RELN: variants seen among roughly 807,000 people sequenced by gnomAD.
The protein encoded by RELN is reelin.
A neutral mutation model predicts 427.6 loss-of-function variants in RELN; 108 were observed. That is an observed-to-expected ratio of 0.25 (90% CI 0.22 to 0.30). The LOEUF is 0.30. Ranked by LOEUF, RELN falls within the 10% of genes least tolerant of loss-of-function variation. RELN has a pLI of 1.00. For synonymous variants in RELN, 1,524 were observed against 1,513.4 expected (o/e 1.01, Z -0.16); for missense variants, 3,715 against 4,302.8 (o/e 0.86, Z 3.82).
intron 57 of RELN, among the ~76,000 whole-genome samples, chr7:103,494,240 C>A (rs879492222): frequency 1.2e-4 from 18 of 152,144 alleles, no homozygotes; most frequent in Admixed American, 6.6e-4. Flanking sequence ...AAAGCAAATA[C>A]ATTTTTATTT....
At chr7:103,935,858 C>T (rs1046910552) in intron 1 of RELN, among the ~76,000 whole-genome samples, 3 of 152,102 alleles carry the variant, frequency 2.0e-5, no homozygotes, top group Admixed American at 6.5e-5. Flanking sequence ...CCACCACTCC[C>T]AATTTGATCC....
At chr7:103,880,946 T>C (rs1794592766) in intron 2 of RELN, among the ~76,000 whole-genome samples, 1 of 152,190 alleles carries the variant, frequency 6.6e-6, no homozygotes, top group Non-Finnish European at 1.5e-5. Context: ...TTCACCCACC[T>C]TGGCTTCCAA....
chr7:103,827,184 T>C (rs1439841819), intron 3 of RELN, among the ~76,000 whole-genome samples: 2 of 152,008 alleles, frequency 1.3e-5, no homozygotes, highest in Admixed American at 1.3e-4. Context: ...ATTTTGTTAC[T>C]GGAATAGAAA....
chr7:103,777,894 C>A (rs1791785646), intron 3 of RELN, among the ~76,000 whole-genome samples: 1 of 151,696 alleles, frequency 6.6e-6, no homozygotes, highest in African/African-American at 2.4e-5. Context: ...CACACACACA[C>A]ACACACACAC....
intron 5 of RELN, among the ~76,000 whole-genome samples, chr7:103,750,943 A>G (rs952376628): frequency 1.3e-5 from 2 of 152,212 alleles, no homozygotes; most frequent in African/African-American, 2.4e-5. Flanking sequence ...ATTTTCACCA[A>G]CTGTAGAGTT....
chr7:103,889,742 T>G (rs936044914), intron 2 of RELN, among the ~76,000 whole-genome samples: 1 of 152,096 alleles, frequency 6.6e-6, no homozygotes. Context: ...ACAAGTAAGT[T>G]TTCTACAGTT....
chr7:103,483,031 T>C (rs367691452), intron 62 of RELN, 60 bp from the exon 63 acceptor site: 30 of 1,349,494 alleles, frequency 2.2e-5, no homozygotes, highest in East Asian at 1.6e-4. Flanking sequence ...TTTTTGGTAT[T>C]TGACTTCTAG....
chr7:103,777,898 C>CACACAG (rs1185057294), intron 3 of RELN, among the ~76,000 whole-genome samples: 25 of 151,888 alleles, frequency 1.6e-4, no homozygotes, highest in Non-Finnish European at 2.5e-4. Context: ...CACACACACA[C>CACACAG]ACACACACAC....
At chr7:103,970,323 T>C (rs1448651685) in intron 1 of RELN, among the ~76,000 whole-genome samples, 2 of 151,858 alleles carry the variant, frequency 1.3e-5, no homozygotes, top group East Asian at 1.9e-4. Context: ...TTTGTGTTTT[T>C]AGAAGTGATG....
At chr7:103,750,320 G>A (rs1790966183) in intron 5 of RELN, among the ~76,000 whole-genome samples, 1 of 152,030 alleles carries the variant, frequency 6.6e-6, no homozygotes, top group African/African-American at 2.4e-5. Flanking sequence ...TCTTTTGCTC[G>A]GCACTTCTTG....
intron 12 of RELN, among the ~76,000 whole-genome samples, chr7:103,659,443 G>A (rs925254434): frequency 5.9e-5 from 9 of 151,998 alleles, no homozygotes; most frequent in Non-Finnish European, 1.2e-4. Flanking sequence ...TCCATCTTAC[G>A]TGCTTCCACT....
chr7:103,511,572 A>T lies in RELN; in HGVS notation c.8120-567T>A, dbSNP rs144392049. 2.0e-5 allele frequency among the ~76,000 whole-genome samples: 3 copies of T among 152,342 alleles called. No homozygotes were observed. In the East Asian group the frequency reaches 5.8e-4, roughly 29 times the overall value. On this transcript the variant is annotated intron_variant, in intron 50 of 64. Coordinates refer to ENST00000428762, the MANE Select transcript of RELN (RefSeq NM_005045.4). ...AAGATATAACTGATATACAAAAATG[A>T]CACACATTTAAAACATACATCTTGG...
intron 8 of RELN, among the ~76,000 whole-genome samples, chr7:103,707,792 C>T (rs1442909617): frequency 2.6e-5 from 4 of 152,202 alleles, no homozygotes; most frequent in Admixed American, 6.5e-5. Context: ...CCACCACGCC[C>T]GGCTGCAAAT....
At chr7:103,742,690 A>G (rs1790698346) in intron 6 of RELN, among the ~76,000 whole-genome samples, 1 of 152,232 alleles carries the variant, frequency 6.6e-6, no homozygotes, top group African/African-American at 2.4e-5. Flanking sequence ...AATGAATGAA[A>G]TGAAGCGAGA....
intron 28 of RELN, among the ~76,000 whole-genome samples, chr7:103,585,101 A>G (rs2117228881): frequency 6.6e-6 from 1 of 152,300 alleles, no homozygotes; most frequent in Middle Eastern, 3.4e-3. Context: ...CCTATATAAA[A>G]AAGATAGAAA....
chr7:103,808,583 T>C (rs1165266215), intron 3 of RELN, among the ~76,000 whole-genome samples: 1 of 151,666 alleles, frequency 6.6e-6, no homozygotes, highest in East Asian at 1.9e-4. Flanking sequence ...AAATAGAGAA[T>C]ATACAGTGAT....
intron 12 of RELN, among the ~76,000 whole-genome samples, chr7:103,659,952 G>T (rs1833102211): frequency 6.6e-6 from 1 of 151,990 alleles, no homozygotes; most frequent in Non-Finnish European, 1.5e-5. Context: ...TTGGGATAAT[G>T]TACTTCTTTG....
intron 2 of RELN, among the ~76,000 whole-genome samples, chr7:103,838,534 C>T (rs1312043709): frequency 2.6e-5 from 4 of 152,046 alleles, no homozygotes; most frequent in African/African-American, 9.7e-5. Flanking sequence ...ATAAGAGAGT[C>T]CCAGGAAAAT....
chr7:103,729,889 C>T (rs994297904), intron 6 of RELN, among the ~76,000 whole-genome samples: 10 of 152,044 alleles, frequency 6.6e-5, no homozygotes, highest in Middle Eastern at 3.4e-3. Context: ...CCACCATTTT[C>T]CTCTACTCCA....
Sources: gnomAD v4.1 joint callset for allele counts (sites outside exome capture counted in the v4.1 genomes callset) on GRCh38, gnomAD v4.1.1 for gene constraint, MANE v1.5 for transcripts, NCBI Gene and HGNC (gene_info 2026-07-23, HGNC 2026-07-21) for gene names.